The following CFAP251 variants were observed in gnomAD, a reference collection of about 807,000 sequenced individuals.
The protein encoded by CFAP251 is cilia and flagella associated protein 251.
In CFAP251, 93 loss-of-function variants were observed where a neutral mutation model predicts 126.7. The observed-to-expected ratio is 0.73, with a 90% CI of 0.62 to 0.87. The LOEUF (loss-of-function observed/expected upper bound fraction) is 0.87, where lower values mean the gene tolerates loss of function less well. Among genes scored for constraint, CFAP251 ranks in the 40% least tolerant of loss-of-function variants. The pLI is 0.00. For missense variants in CFAP251, 1,287 were observed against 1,389.2 expected (o/e 0.93, Z 1.17); for synonymous variants, 503 against 506.9 (o/e 0.99, Z 0.10).
intron 19 of CFAP251, among the ~76,000 whole-genome samples, chr12:121,985,260 G>A (rs892972353): frequency 8.6e-5 from 13 of 152,028 alleles, no homozygotes; most frequent in Admixed American, 7.2e-4. Context: ...CTGGCCAGGC[G>A]CGGAGGCTCA....
Position 121,921,381 on chromosome 12 carries a change from C to T in CFAP251, c.76C>T (p.Pro26Ser). The change falls in exon 2 of 22, where the codon CCT (proline) becomes TCT (serine). Residue 26 changes from proline to serine, a missense_variant. Physicochemically the swap from Pro to Ser is moderately conservative, Grantham distance 74 (BLOSUM62 -1). Transcript: ENST00000288912. Reference protein sequence around the residue: ...GETEMKEEEEPNPNYKEVEDP... With the variant: ...GETEMKEEEESNPNYKEVEDP... ...AACAGAAATGAAAGAAGAGGAGGAA[C>T]CTAATCCAAATTATAAAGAAGTAGA... The T allele has an allele frequency of 6.2e-7, 1 of 1,607,912 alleles. No individual in the cohort carries two copies. Among genetic ancestry groups the T allele is most frequent in the Non-Finnish European group, 8.5e-7 (1 of 1,177,620 alleles).
At chr12:121,977,110 G>A (rs1386449571) in intron 19 of CFAP251, among the ~76,000 whole-genome samples, 1 of 152,118 alleles carries the variant, frequency 6.6e-6, no homozygotes, top group Non-Finnish European at 1.5e-5. Flanking sequence ...AACACAGATG[G>A]CAGAGCCTAC....
chr12:121,943,187 C>T (rs989795286), intron 7 of CFAP251, among the ~76,000 whole-genome samples: 2 of 151,996 alleles, frequency 1.3e-5, no homozygotes, highest in Admixed American at 6.6e-5. Flanking sequence ...GTGGCACATG[C>T]CTATAGTCCC....
In CFAP251 at chr12:121,962,070, C is replaced by T; in HGVS notation, c.2400C>T (p.Val800=). The T allele has an allele frequency of 2.5e-6, 4 of 1,614,034 alleles. No individual in the cohort carries two copies. Among genetic ancestry groups the T allele is most frequent in the Non-Finnish European group, 3.4e-6 (4 of 1,180,038 alleles). Residue 800 remains valine (V), a synonymous_variant, in exon 15 of 22, where the codon GTC becomes GTT. Coordinates refer to ENST00000288912, the MANE Select transcript of CFAP251 (RefSeq NM_144668.6). ...TDQGCYPTCM[V]WYPPLTRELF... ...AGGGCTGCTATCCCACCTGCATGGT[C>T]TGGTACCCACCACTCACCAGGGAAC...
At chr12:121,960,170 G>A (rs1337084732) in intron 13 of CFAP251, among the ~76,000 whole-genome samples, 1 of 151,846 alleles carries the variant, frequency 6.6e-6, no homozygotes. Flanking sequence ...AAACTAAAAT[G>A]GATATTGTTT....
At chr12:121,930,921 G>C (rs1880659895) in intron 3 of CFAP251, among the ~76,000 whole-genome samples, 1 of 151,816 alleles carries the variant, frequency 6.6e-6, no homozygotes, top group Non-Finnish European at 1.5e-5. Context: ...GCTAATTTTT[G>C]TGTTTTTAGT....
At chr12:121,983,607 G>A (rs781313306) in intron 19 of CFAP251, among the ~76,000 whole-genome samples, 2 of 152,034 alleles carry the variant, frequency 1.3e-5, no homozygotes, top group Non-Finnish European at 2.9e-5. Context: ...AAATAAAAAC[G>A]GAGGTTGTAA....
chr12:122,003,563 G>A (rs1299054718), intron 21 of CFAP251, 89 bp from the exon 22 acceptor site: 6 of 976,904 alleles, frequency 6.1e-6, no homozygotes, highest in Non-Finnish European at 7.9e-6. Flanking sequence ...ACAGAGCAAG[G>A]CCCTGTCTCA....
intron 10 of CFAP251, 130 bp downstream of exon 10, chr12:121,954,464 C>A: frequency 1.2e-6 from 1 of 809,512 alleles, no homozygotes; most frequent in African/African-American, 1.7e-5. Flanking sequence ...GGGAGGATCA[C>A]ATGAGGCCAG....
intron 17 of CFAP251, chr12:121,970,007 A>G (rs1882280233): frequency 7.3e-6 from 7 of 957,540 alleles, no homozygotes; most frequent in Non-Finnish European, 8.7e-6. Flanking sequence ...CACTTCACTA[A>G]TGGAGAGAAA....
At chr12:121,988,784 G>A (rs994002645) in intron 19 of CFAP251, among the ~76,000 whole-genome samples, 25 of 146,044 alleles carry the variant, frequency 1.7e-4, no homozygotes, top group African/African-American at 6.4e-4. Context: ...CCCTCTGGCT[G>A]GAGTGCAATG....
At chr12:121,921,027 T>G (rs956894477) in intron 1 of CFAP251, among the ~76,000 whole-genome samples, 6 of 151,570 alleles carry the variant, frequency 4.0e-5, no homozygotes. Context: ...TTTTGTATTT[T>G]TAGTAGAAAC....
At chr12:121,937,175 G>C (rs912200849) in intron 5 of CFAP251, among the ~76,000 whole-genome samples, 4 of 152,242 alleles carry the variant, frequency 2.6e-5, no homozygotes, top group Admixed American at 6.5e-5. Flanking sequence ...AGGGTTGGCT[G>C]CTTCTGGGGG....
chr12:121,938,816 C>T (rs901843531), intron 5 of CFAP251, among the ~76,000 whole-genome samples: 2 of 151,136 alleles, frequency 1.3e-5, no homozygotes, highest in African/African-American at 4.9e-5. Flanking sequence ...AACCCCGTCT[C>T]TACAAAAATA....
In CFAP251 at chr12:121,974,863, G is replaced by A. The variant is rs1293585654; in HGVS notation, c.2772-381G>A. On this transcript the variant is annotated intron_variant, in intron 17 of 21. Coordinates refer to ENST00000288912, the MANE Select transcript of CFAP251 (RefSeq NM_144668.6). This position sits in a 1 kb window ranked among gnomAD's most constrained non-coding sequence, Gnocchi z 4.6. The stretch of plus-strand genomic sequence containing the variant: ...ATATCCCATTCTTTTGACTCTGATC[G>A]TTCGTGGATCTAAAGTTACGGGTAA... Among the ~76,000 whole-genome samples the A allele has an allele frequency of 6.6e-6, 1 of 152,100 alleles. No homozygotes were observed.
intron 1 of CFAP251, among the ~76,000 whole-genome samples, chr12:121,920,839 T>C (rs566182442): frequency 6.6e-6 from 1 of 151,646 alleles, no homozygotes; most frequent in South Asian, 2.1e-4. Context: ...GCCAGAAATA[T>C]GACATTCTTT....
At chr12:121,939,028 A>G (rs1881001761) in intron 5 of CFAP251, among the ~76,000 whole-genome samples, 1 of 152,104 alleles carries the variant, frequency 6.6e-6, no homozygotes, top group Non-Finnish European at 1.5e-5. Context: ...TTTCATGGAA[A>G]GCACTGGCTG....
intron 17 of CFAP251, among the ~76,000 whole-genome samples, chr12:121,970,707 G>A (rs967198497): frequency 1.4e-4 from 22 of 152,244 alleles, no homozygotes; most frequent in Admixed American, 1.2e-3. Context: ...TGTATGAGAA[G>A]GTCGTTGGGA....
intron 5 of CFAP251, among the ~76,000 whole-genome samples, chr12:121,935,859 T>A (rs1420600533): frequency 2.0e-5 from 3 of 152,152 alleles, no homozygotes; most frequent in African/African-American, 7.2e-5. Context: ...CTCTCCTCCT[T>A]CCCCGGCTGG....
Sources: allele counts gnomAD v4.1 joint callset (sites outside exome capture counted in the v4.1 genomes callset), GRCh38; gene constraint gnomAD v4.1.1; non-coding constraint Gnocchi (gnomAD v3.1); transcripts MANE v1.5; gene names NCBI Gene and HGNC (gene_info 2026-07-23, HGNC 2026-07-21).